Variants in TRPM3 observed in about 807,000 individuals in gnomAD.
TRPM3 encodes long transient receptor potential channel 3.
Under a neutral mutation model 181.2 loss-of-function variants are expected in TRPM3, and 77 were observed. The ratio of observed to expected loss-of-function variants is 0.42; its 90% CI spans 0.35 to 0.51. TRPM3 has a LOEUF of 0.51. Ranked by LOEUF, TRPM3 falls within the 20% of genes least tolerant of loss-of-function variation. The pLI is 0.01. For missense variants in TRPM3, 1,759 were observed against 2,196.7 expected, an observed-to-expected ratio of 0.80 and a Z score of 3.98; for synonymous variants, 745 against 796.4, an observed-to-expected ratio of 0.94 and a Z score of 1.09.
intron 16 of TRPM3, among the ~76,000 whole-genome samples, 191 bp downstream of exon 16, chr9:70,619,885 A>G (rs1353031074): frequency 6.6e-6 from 1 of 152,122 alleles, no homozygotes; most frequent in Non-Finnish European, 1.5e-5. Context: ...GAAATGTTCC[A>G]TGTTTCTGTA....
At chr9:71,221,792 A>C (rs1376266299) in intron 1 of TRPM3, among the ~76,000 whole-genome samples, 2 of 152,210 alleles carry the variant, frequency 1.3e-5, no homozygotes, top group East Asian at 3.8e-4. Context: ...TATGTGAGAC[A>C]AACTGGGGAA....
intron 1 of TRPM3, among the ~76,000 whole-genome samples, chr9:71,223,551 G>A (rs541070395): frequency 7.9e-5 from 12 of 152,224 alleles, no homozygotes; most frequent in Middle Eastern, 3.4e-3. Context: ...CTTGTTTTTC[G>A]GCTTAGGTAA....
chr9:70,968,459 GTCT>G (rs2097207071), intron 1 of TRPM3, among the ~76,000 whole-genome samples: 3 of 152,074 alleles, frequency 2.0e-5, no homozygotes, highest in Admixed American at 1.3e-4. Flanking sequence ...TGTCCCTGGA[GTCT>G]TACTCCACCA....
In TRPM3 at chr9:71,175,335, G is replaced by A. The variant is rs183507969; in HGVS notation, c.183+271318C>T. Among the ~76,000 whole-genome samples, 17 of 152,312 alleles carry A rather than the reference G, an allele frequency of 1.1e-4. 1 individual carries two copies. Among genetic ancestry groups the A allele is most frequent in the South Asian group, 8.3e-4 (4 of 4,822 alleles). On this transcript the variant is annotated intron_variant, in intron 1 of 24. Transcript: ENST00000357533. ...TAATTCTACCCTTTCCTCCCTTCAAGAGGAACAGAAGGTGAGAGAACAAGA... is the reference window on the plus strand; with the variant it reads ...TAATTCTACCCTTTCCTCCCTTCAAAAGGAACAGAAGGTGAGAGAACAAGA...
In TRPM3 at chr9:70,864,525, CAAAAAAAA is replaced by C. The variant is rs71367234; in HGVS notation, c.178-22_178-15del. 12 of 899,576 alleles carry C rather than the reference CAAAAAAAA, an allele frequency of 1.3e-5. No individual in the cohort carries two copies. The highest frequency in any genetic ancestry group is 3.3e-5 in the East Asian group (1 of 30,432). 55.7% of individuals were successfully genotyped at this position (899,576 alleles called of 1,614,324 possible). A position where few individuals can be genotyped will look rare whatever the true frequency, so the allele number is the denominator to read the frequency against. On this transcript the variant is annotated splice_polypyrimidine_tract_variant and intron_variant, in intron 1 of 25. Transcript: ENST00000677713. ...GGATTTCTGAGCCTGAAAAAGAAAA[CAAAAAAAA>C]AAAAAAAAGAAAAAAGAAAGAAAGG...
At chr9:70,799,829 C>T (rs1251197530) in intron 6 of TRPM3, among the ~76,000 whole-genome samples, 4 of 152,116 alleles carry the variant, frequency 2.6e-5, no homozygotes, top group Non-Finnish European at 4.4e-5. Context: ...ATCCATTTGA[C>T]CCTCACACTA....
At chr9:70,869,121 T>C in intron 1 of TRPM3, 2 of 914,236 alleles carry the variant, frequency 2.2e-6, no homozygotes, top group Non-Finnish European at 2.6e-6. Context: ...AAGTCACTTG[T>C]TCGGCTCTTC....
chr9:71,222,039 G>A (rs547315071), intron 1 of TRPM3, among the ~76,000 whole-genome samples: 1 of 152,240 alleles, frequency 6.6e-6, no homozygotes, highest in East Asian at 1.9e-4. Context: ...CAAGAATTAT[G>A]TTTAATTCAT....
chr9:71,305,697 T>A (rs2087230952), intron 1 of TRPM3, among the ~76,000 whole-genome samples: 1 of 152,162 alleles, frequency 6.6e-6, no homozygotes, highest in African/African-American at 2.4e-5. Flanking sequence ...AAGCAAAGAT[T>A]CACAGTGGAT....
At chr9:70,606,770 A>G (rs2061241115) in intron 19 of TRPM3, among the ~76,000 whole-genome samples, 1 of 152,060 alleles carries the variant, frequency 6.6e-6, no homozygotes, top group African/African-American at 2.4e-5. Flanking sequence ...AAGAATTTGT[A>G]TTTTATTAAC....
At chr9:70,803,032 G>GGAAA (rs2089603395) in intron 6 of TRPM3, among the ~76,000 whole-genome samples, 1 of 24,898 alleles carries the variant, frequency 4.0e-5, no homozygotes, top group African/African-American at 1.2e-4. Context: ...GAGAAATTTT[G>GGAAA]TAAAAAAAAA....
At chr9:70,859,430 A>T (rs2095470245) in intron 3 of TRPM3, among the ~76,000 whole-genome samples, 1 of 152,178 alleles carries the variant, frequency 6.6e-6, no homozygotes, top group Non-Finnish European at 1.5e-5. Flanking sequence ...GAAATTAGTT[A>T]ACTATTAAGG....
intron 1 of TRPM3, among the ~76,000 whole-genome samples, chr9:71,260,693 G>A (rs757036458): frequency 6.6e-6 from 1 of 152,160 alleles, no homozygotes. Context: ...TCTATTATTG[G>A]TGTATAGGAA....
intron 8 of TRPM3, 101 bp downstream of exon 8, chr9:70,761,500 C>A (rs2078131605): frequency 6.4e-7 from 1 of 1,562,852 alleles, no homozygotes; most frequent in South Asian, 1.1e-5. Flanking sequence ...GTAAGCTCGG[C>A]CAGAAAGAGA....
chr9:70,894,697 T>C (rs1241072331), intron 1 of TRPM3, among the ~76,000 whole-genome samples: 1 of 152,180 alleles, frequency 6.6e-6, no homozygotes, highest in East Asian at 1.9e-4. Flanking sequence ...CTACATCTAT[T>C]TGGGCTGTCA....
At chr9:71,086,187 G>A (rs1196785597) in intron 1 of TRPM3, among the ~76,000 whole-genome samples, 1 of 151,818 alleles carries the variant, frequency 6.6e-6, no homozygotes, top group Non-Finnish European at 1.5e-5. Flanking sequence ...ATAAACAGTG[G>A]GGACTACTAG....
At chr9:71,245,582 T>A (rs2081990695) in intron 1 of TRPM3, among the ~76,000 whole-genome samples, 1 of 152,158 alleles carries the variant, frequency 6.6e-6, no homozygotes, top group Non-Finnish European at 1.5e-5. Flanking sequence ...TGAGAGAATT[T>A]ATAAGAATAA....
At position 70,610,741 on chromosome 9, in the gene TRPM3, C is replaced by G; in HGVS notation, c.2535G>C (p.Leu845Phe). 3 of 1,614,094 alleles carry G rather than the reference C, an allele frequency of 1.9e-6. No individual in the cohort carries two copies. Among genetic ancestry groups the G allele is most frequent in the Non-Finnish European group, 1.7e-6 (2 of 1,179,982 alleles). ...EEEDMELTAM[L>F]GRNNGESSRK... ...TGGAGGACTCCCCGTTGTTTCGTCCCAACATTGCCTATGTTGGAAGAGAAT... is the reference window on the plus strand; with the variant it reads ...TGGAGGACTCCCCGTTGTTTCGTCCGAACATTGCCTATGTTGGAAGAGAAT... The change falls in exon 19 of 26, where the codon TTG becomes TTC. Residue 845 changes from leucine (L) to phenylalanine (F), a missense_variant. Physicochemically the swap from Leu to Phe is conservative, Grantham distance 22. This residue lies in a region of TRPM3 where 114 missense variants were observed against 134.8 expected (regional missense o/e 0.85). Transcript: ENST00000677713.
intron 1 of TRPM3, among the ~76,000 whole-genome samples, chr9:70,871,118 G>A (rs1337010): frequency 0.18 from 27,386 of 151,574 alleles, 2,663 homozygotes; most frequent in East Asian, 0.35. Context: ...GAGAAACAAA[G>A]GGAGAAGAGG....
Sources: allele counts gnomAD v4.1 joint callset (sites outside exome capture counted in the v4.1 genomes callset), GRCh38; gene constraint gnomAD v4.1.1; regional missense constraint gnomAD v4.1.1; transcripts MANE v1.5; gene names NCBI Gene and HGNC (gene_info 2026-07-23, HGNC 2026-07-21).